NFKB1: variants seen among roughly 807,000 people sequenced by gnomAD.
The protein encoded by NFKB1 is nuclear factor NF-kappa-B p105 subunit.
NFKB1 carries 9 observed loss-of-function variants against 105.1 expected under a neutral mutation model. The observed-to-expected ratio is 0.09, with a 90% CI of 0.05 to 0.15. The LOEUF is 0.15. NFKB1 is among the 10% of genes least tolerant of loss of function. The pLI is 1.00. For missense variants in NFKB1, 830 were observed against 1,203.7 expected, an observed-to-expected ratio of 0.69 and a Z score of 4.59; for synonymous variants, 440 against 442.2, an observed-to-expected ratio of 1.00 and a Z score of 0.06.
At chr4:102,566,878 A>G in intron 5 of NFKB1, 109 bp from the exon 6 acceptor site, 3 of 1,099,968 alleles carry the variant, frequency 2.7e-6, no homozygotes, top group Non-Finnish European at 4.0e-6. Flanking sequence ...ATATACATAT[A>G]TGAATAACTT....
intron 15 of NFKB1, among the ~76,000 whole-genome samples, chr4:102,598,011 C>T (rs1166908612): frequency 6.6e-6 from 1 of 152,186 alleles, no homozygotes; most frequent in African/African-American, 2.4e-5. Flanking sequence ...ATCCCTGAAG[C>T]ATTGTTATCC....
chr4:102,578,091 C>A, intron 7 of NFKB1: 1 of 571,736 alleles, frequency 1.7e-6, no homozygotes, highest in Non-Finnish European at 2.2e-6. Flanking sequence ...CATGATTTCT[C>A]ACTTTCCTGC....
intron 8 of NFKB1, 30 bp from the exon 9 acceptor site, chr4:102,580,505 T>G: frequency 6.3e-7 from 1 of 1,579,768 alleles, no homozygotes; most frequent in Non-Finnish European, 8.7e-7. Context: ...GGATTAATCA[T>G]GTTATTTGTT....
intron 5 of NFKB1, among the ~76,000 whole-genome samples, chr4:102,566,070 T>C (rs1022884886): frequency 6.6e-6 from 1 of 152,324 alleles, no homozygotes; most frequent in East Asian, 1.9e-4. Context: ...TTTTCTGTTA[T>C]GTTAGTGTGA....
At chr4:102,564,236 AAAGG>A (rs368053066) in intron 5 of NFKB1, among the ~76,000 whole-genome samples, 151 of 152,338 alleles carry the variant, frequency 9.9e-4, no homozygotes, top group African/African-American at 3.4e-3. Flanking sequence ...CAAAGAAGTA[AAAGG>A]GAGACTGAAT....
In NFKB1 at chr4:102,616,574, C is replaced by T. The variant is rs146862629; in HGVS notation, c.2890C>T (p.Pro964Ser). The T allele has an allele frequency of 6.8e-5, 109 of 1,613,922 alleles. No homozygotes were observed. The highest frequency in any genetic ancestry group is 9.1e-5 in the Non-Finnish European group (107 of 1,180,000). Residue 964 changes from proline to serine, a missense_variant, in exon 24 of 24, where the codon CCT becomes TCT. Transcript: ENST00000226574. ...GCCCCATGATTATGGGCAGGAAGGA[C>T]CTCTAGAAGGCAAAATTTAGCCTGC... ...KMPHDYGQEGPLEGKI is the reference protein window; with the variant it reads ...KMPHDYGQEGSLEGKI
chr4:102,513,656 A>T (rs1739923951), intron 1 of NFKB1, among the ~76,000 whole-genome samples: 1 of 152,106 alleles, frequency 6.6e-6, no homozygotes, highest in South Asian at 2.1e-4. Context: ...CAGTCTATTG[A>T]TTCTAAGAGG....
At chr4:102,507,383 G>C (rs1206016014) in intron 1 of NFKB1, among the ~76,000 whole-genome samples, 1 of 152,100 alleles carries the variant, frequency 6.6e-6, no homozygotes, top group Non-Finnish European at 1.5e-5. Context: ...GAAATGTATG[G>C]ACAATTCATG....
chr4:102,564,660 G>A (rs1188473225), intron 5 of NFKB1, among the ~76,000 whole-genome samples: 1 of 152,172 alleles, frequency 6.6e-6, no homozygotes, highest in Non-Finnish European at 1.5e-5. Flanking sequence ...AGTACTTTTT[G>A]AGGATACCTC....
chr4:102,510,876 C>T, intron 1 of NFKB1: 1 of 1,215,326 alleles, frequency 8.2e-7, no homozygotes. Context: ...CTGTTCCTTC[C>T]TAGAAGGAAC....
At chr4:102,576,726 T>G in intron 6 of NFKB1, 150 bp from the exon 7 acceptor site, 1 of 777,400 alleles carries the variant, frequency 1.3e-6, no homozygotes, top group Non-Finnish European at 2.0e-6. Flanking sequence ...ATACCCTAAA[T>G]TCTGAAATGC....
chr4:102,561,275 T>TGTG (rs367847805), intron 5 of NFKB1, among the ~76,000 whole-genome samples: 1,525 of 109,848 alleles, frequency 0.014, 15 homozygotes, highest in African/African-American at 0.031. Flanking sequence ...CTTTTTTTTT[T>TGTG]TTTTTTTGTG....
chr4:102,569,776 G>A lies in NFKB1; in HGVS notation c.407+2641G>A, dbSNP rs1724173362. Among the ~76,000 whole-genome samples the A allele has an allele frequency of 3.3e-5, 5 of 152,028 alleles. No homozygotes were observed. The South Asian group carries it at 1.0e-3, about 32-fold the overall frequency. On this transcript the variant is annotated intron_variant, in intron 6 of 23. Coordinates refer to ENST00000226574, the MANE Select transcript of NFKB1 (RefSeq NM_003998.4). The stretch of plus-strand genomic sequence containing the variant: ...ATAAACTTAGTTTCTACTTTCAAAA[G>A]GATTTTATCTATGTTATAAATATTC...
chr4:102,612,682 T>G, intron 22 of NFKB1, 76 bp downstream of exon 22: 1 of 1,361,242 alleles, frequency 7.3e-7, no homozygotes. Context: ...GGGCATAATC[T>G]CCTTCCCTTT....
At chr4:102,542,868 A>G (rs1280939301) in intron 5 of NFKB1, among the ~76,000 whole-genome samples, 1 of 152,220 alleles carries the variant, frequency 6.6e-6, no homozygotes, top group African/African-American at 2.4e-5. Context: ...ACTAACTCTT[A>G]TAGCAAAAAA....
intron 5 of NFKB1, among the ~76,000 whole-genome samples, chr4:102,561,406 C>T (rs1723434582): frequency 6.6e-6 from 1 of 151,924 alleles, no homozygotes; most frequent in South Asian, 2.1e-4. Flanking sequence ...ACCTCTACCA[C>T]TTCTTATAGC....
In NFKB1 at chr4:102,602,473, A is replaced by G. The variant is rs188508332; in HGVS notation, c.1752+1464A>G. On this transcript the variant is annotated intron_variant, in intron 16 of 23. Transcript: ENST00000226574. ...GAGAATGGTGTGAACCTGGAGGCTGAGCTTGCAATGAGGCGAGATCGCGCC... is the reference window on the plus strand; with the variant it reads ...GAGAATGGTGTGAACCTGGAGGCTGGGCTTGCAATGAGGCGAGATCGCGCC... Among the ~76,000 whole-genome samples the G allele has an allele frequency of 3.8e-3, 578 of 151,352 alleles. 1 individual carries two copies. Among genetic ancestry groups the G allele is most frequent in the Non-Finnish European group, 4.7e-3 (316 of 67,880 alleles).
intron 5 of NFKB1, among the ~76,000 whole-genome samples, chr4:102,557,903 G>A (rs578239908): frequency 4.6e-5 from 7 of 152,142 alleles, no homozygotes; most frequent in African/African-American, 1.7e-4. Flanking sequence ...GATACTGTAG[G>A]GCCAGTGCAG....
At chr4:102,502,390 G>GCGCACACACACACGCACA (rs1311577382) in intron 1 of NFKB1, among the ~76,000 whole-genome samples, 1 of 105,392 alleles carries the variant, frequency 9.5e-6, no homozygotes, top group Non-Finnish European at 1.8e-5. Context: ...GCGCGCGCGC[G>GCGCACACACACACGCACA]CACACACACA....
Sources: allele counts gnomAD v4.1 joint callset (sites outside exome capture counted in the v4.1 genomes callset), GRCh38; gene constraint gnomAD v4.1.1; transcripts MANE v1.5; gene names NCBI Gene and HGNC (gene_info 2026-07-23, HGNC 2026-07-21).